MACROD2: variants seen among roughly 807,000 people sequenced by gnomAD.
MACROD2 encodes the protein mono-ADP ribosylhydrolase 2, also known as ADP-ribose glycohydrolase MACROD2.
A neutral mutation model predicts 70.4 loss-of-function variants in MACROD2; 36 were observed. The observed-to-expected ratio is 0.51, with a 90% CI of 0.39 to 0.68. MACROD2 has a LOEUF of 0.68. Ranked by LOEUF, MACROD2 falls within the 30% of genes least tolerant of loss-of-function variation. The pLI, the probability that MACROD2 is intolerant of heterozygous loss-of-function variation, is 0.00. For synonymous variants in MACROD2, 172 were observed against 178.8 expected (o/e 0.96, Z 0.30); for missense variants, 496 against 538.4 (o/e 0.92, Z 0.78).
At chr20:15,618,982 C>T (rs1278610871) in intron 8 of MACROD2, among the ~76,000 whole-genome samples, 1 of 152,078 alleles carries the variant, frequency 6.6e-6, no homozygotes, top group Non-Finnish European at 1.5e-5. Context: ...GGAGATGAAA[C>T]CATAGGGAAC....
At chr20:14,851,755 T>G (rs2073201671) in intron 5 of MACROD2, among the ~76,000 whole-genome samples, 1 of 152,168 alleles carries the variant, frequency 6.6e-6, no homozygotes, top group South Asian at 2.1e-4. Context: ...ATACAAAGTC[T>G]TGTTTGCCCC....
chr20:15,388,131 G>C (rs927200417), intron 6 of MACROD2, among the ~76,000 whole-genome samples: 1 of 152,066 alleles, frequency 6.6e-6, no homozygotes, highest in African/African-American at 2.4e-5. Context: ...TTAAGGAAGA[G>C]TAAGAGTAAG....
rs13044674 is a variant in MACROD2 at position 14,582,478 on chromosome 20, T to C, written c.301+88970T>C. Among the ~76,000 whole-genome samples the C allele has an allele frequency of 8.1e-3, 1,230 of 152,222 alleles. 6 individuals carry two copies. The highest frequency in any genetic ancestry group is 0.012 in the Non-Finnish European group (814 of 68,010). On this transcript the variant is annotated intron_variant, in intron 4 of 17. Coordinates refer to ENST00000684519, the MANE Select transcript of MACROD2 (RefSeq NM_001351661.2). ...CAGCGTGACCTAGATTCTTGATCAG[T>C]GTCCACACCGAACATTCACTCCAAA...
chr20:15,271,880 C>G (rs1210898477), intron 6 of MACROD2, among the ~76,000 whole-genome samples: 1 of 152,166 alleles, frequency 6.6e-6, no homozygotes, highest in Non-Finnish European at 1.5e-5. Context: ...TAACAAGAAA[C>G]AGTTATGTGG....
At chr20:14,887,863 T>TA (rs11474913) in intron 5 of MACROD2, among the ~76,000 whole-genome samples, 2,558 of 142,652 alleles carry the variant, frequency 0.018, 72 homozygotes, top group African/African-American at 0.054. Context: ...AGAAAAGCAT[T>TA]AAAAAAAAAA....
intron 8 of MACROD2, among the ~76,000 whole-genome samples, chr20:15,736,476 TG>T (rs1182768508): frequency 6.6e-6 from 1 of 152,114 alleles, no homozygotes; most frequent in Non-Finnish European, 1.5e-5. Flanking sequence ...AAATCCTGGT[TG>T]GATAAAAAGT....
chr20:15,994,415 C>T lies in MACROD2; in HGVS notation c.1153+7257C>T, dbSNP rs931645051. 7.9e-5 allele frequency among the ~76,000 whole-genome samples: 12 copies of T among 152,150 alleles called. No individual in the cohort carries two copies. The South Asian group carries it at 8.3e-4, about 11-fold the overall frequency. ...ATTTTATGTGTTTAAAAAAACTCTT[C>T]GAACAAGATGTAGAACGTTTTCATA... On this transcript the variant is annotated intron_variant, in intron 15 of 17. Transcript: ENST00000684519.
At chr20:15,791,362 C>T (rs1240133444) in intron 8 of MACROD2, among the ~76,000 whole-genome samples, 1 of 151,520 alleles carries the variant, frequency 6.6e-6, no homozygotes, top group Non-Finnish European at 1.5e-5. Context: ...CACTGGTTGA[C>T]CAAGGTAGGC....
At chr20:15,928,942 G>A (rs539314036) in intron 10 of MACROD2, among the ~76,000 whole-genome samples, 18 of 152,242 alleles carry the variant, frequency 1.2e-4, no homozygotes, top group African/African-American at 3.9e-4. Context: ...TTATAAAAGA[G>A]TGCTAATTTT....
At chr20:15,993,562 T>C (rs537745622) in intron 15 of MACROD2, among the ~76,000 whole-genome samples, 8 of 152,256 alleles carry the variant, frequency 5.3e-5, no homozygotes, top group African/African-American at 1.9e-4. Context: ...GTTTGCATCA[T>C]GAAATCACCT....
At chr20:15,784,541 C>T (rs1040441535) in intron 8 of MACROD2, among the ~76,000 whole-genome samples, 15 of 152,126 alleles carry the variant, frequency 9.9e-5, no homozygotes, top group Admixed American at 8.5e-4. Context: ...CTTTATTATA[C>T]ATCTTATTTT....
At chr20:15,778,932 T>C (rs2051782377) in intron 8 of MACROD2, among the ~76,000 whole-genome samples, 1 of 152,106 alleles carries the variant, frequency 6.6e-6, no homozygotes, top group African/African-American at 2.4e-5. Flanking sequence ...AAACTTTAAG[T>C]GCTGAGAATT....
chr20:16,008,119 A>T (rs2066814373), intron 15 of MACROD2, among the ~76,000 whole-genome samples: 1 of 152,092 alleles, frequency 6.6e-6, no homozygotes, highest in Non-Finnish European at 1.5e-5. Context: ...GTTTCTGCTG[A>T]CTCATCCCAG....
intron 5 of MACROD2, chr20:14,905,375 A>G (rs1449499829): frequency 1.3e-5 from 2 of 152,126 alleles, no homozygotes; most frequent in Non-Finnish European, 2.9e-5. Flanking sequence ...AGGGATTACT[A>G]TGAAGTCAAA....
chr20:15,091,116 G>A lies in MACROD2; in HGVS notation c.419-138824G>A, dbSNP rs115323490. 2.8e-3 allele frequency among the ~76,000 whole-genome samples: 430 copies of A among 152,010 alleles called. 4 individuals carry two copies. The highest frequency in any genetic ancestry group is 9.4e-3 in the African/African-American group (388 of 41,480). On this transcript the variant is annotated intron_variant, in intron 5 of 17. Transcript: ENST00000684519. Reference sequence around the variant, plus strand: ...AGATAACACTGGATCCTAGCAATCCGAATTGCAATTAATCTGCAGTTATCT... The same window carrying A: ...AGATAACACTGGATCCTAGCAATCCAAATTGCAATTAATCTGCAGTTATCT...
intron 8 of MACROD2, among the ~76,000 whole-genome samples, chr20:15,673,113 A>G (rs2050005748): frequency 6.6e-6 from 1 of 152,132 alleles, no homozygotes; most frequent in Admixed American, 6.5e-5. Context: ...CAGTGTGTAA[A>G]CAGACTAATA....
At chr20:14,474,795 C>A (rs1313531226) in intron 3 of MACROD2, among the ~76,000 whole-genome samples, 1 of 152,082 alleles carries the variant, frequency 6.6e-6, no homozygotes, top group East Asian at 1.9e-4. Flanking sequence ...CACCTCTGTT[C>A]TTTTTGGTTT....
chr20:15,391,933 G>GT (rs140009998), intron 6 of MACROD2, among the ~76,000 whole-genome samples: 2,770 of 152,276 alleles, frequency 0.018, 91 homozygotes, highest in African/African-American at 0.064. Flanking sequence ...ATTATTTAAT[G>GT]TAAGTCAGCT....
chr20:15,321,437 A>C lies in MACROD2; in HGVS notation c.540+91376A>C, dbSNP rs1157529552. 2.1e-5 allele frequency among the ~76,000 whole-genome samples: 3 copies of C among 144,102 alleles called. 1 individual carries two copies. The highest frequency in any genetic ancestry group is 7.4e-5 in the African/African-American group (3 of 40,324). 94.5% of individuals were successfully genotyped at this position (144,102 alleles called of 152,430 possible). On this transcript the variant is annotated intron_variant, in intron 6 of 17. Transcript: ENST00000684519. ...TTTGCCATTTCCACTTCCCAGTCAT[A>C]TCTTGAAGACTTCCAACTTAAACAC...
Sources: gnomAD v4.1 joint callset for allele counts (sites outside exome capture counted in the v4.1 genomes callset) on GRCh38, gnomAD v4.1.1 for gene constraint, MANE v1.5 for transcripts, NCBI Gene and HGNC (gene_info 2026-07-23, HGNC 2026-07-21) for gene names.